The following GRID2 variants were observed in gnomAD, a reference collection of about 807,000 sequenced individuals.
GRID2 encodes glutamate receptor ionotropic, delta-2.
In GRID2, 33 loss-of-function variants were observed where a neutral mutation model predicts 114.8. The ratio of observed to expected loss-of-function variants is 0.29; its 90% confidence interval spans 0.22 to 0.38. GRID2 has a LOEUF of 0.38. GRID2 is among the 10% of genes least tolerant of loss of function. The probability of loss-of-function intolerance (pLI) is 1.00; values close to 1 mark genes in which losing one functional copy is unlikely to be tolerated. For synonymous variants in GRID2, 505 were observed against 449.9 expected, an observed-to-expected ratio of 1.12 and a Z score of -1.55; for missense variants, 1,184 against 1,257.7, an observed-to-expected ratio of 0.94 and a Z score of 0.89.
At position 92,620,995 on chromosome 4, in the gene GRID2, C is replaced by CAAAAA. The variant is rs67388525; in HGVS notation, c.244+30721_244+30725dup. Among the ~76,000 whole-genome samples, 356 of 112,258 alleles carry CAAAAA rather than the reference C, an allele frequency of 3.2e-3. 1 individual carries two copies. Among genetic ancestry groups the CAAAAA allele is most frequent in the Middle Eastern group, 9.9e-3 (2 of 202 alleles). 73.6% of individuals were successfully genotyped at this position (112,258 alleles called of 152,430 possible). On this transcript the variant is annotated intron_variant, in intron 2 of 15. Transcript: ENST00000282020. Reference sequence around the variant, plus strand: ...GCTAGAGGAACAAAATAAAGAATGCCAAAAAAAAAAAAAAAAGAATTTTAA... The same window carrying CAAAAA: ...GCTAGAGGAACAAAATAAAGAATGCCAAAAAAAAAAAAAAAAAAAAAGAATTTTAA...
At chr4:92,971,506 G>A (rs1216766788) in intron 2 of GRID2, among the ~76,000 whole-genome samples, 2 of 151,838 alleles carry the variant, frequency 1.3e-5, no homozygotes, top group Middle Eastern at 3.2e-3. Flanking sequence ...TAATTACATA[G>A]CCATCAACTC....
At chr4:93,030,995 A>G (rs951788205) in intron 2 of GRID2, among the ~76,000 whole-genome samples, 7 of 152,000 alleles carry the variant, frequency 4.6e-5, no homozygotes, top group African/African-American at 1.7e-4. Context: ...ACTATTAAAA[A>G]ATCCTGCACC....
intron 2 of GRID2, among the ~76,000 whole-genome samples, chr4:93,083,799 T>C (rs983134150): frequency 2.0e-5 from 3 of 151,680 alleles, no homozygotes; most frequent in African/African-American, 7.3e-5. Flanking sequence ...ATGTCTCAAA[T>C]AATTATTCAT....
chr4:92,995,898 T>G lies in GRID2; in HGVS notation c.245-89097T>G, dbSNP rs78152045. Among the ~76,000 whole-genome samples, 140 of 152,296 alleles carry G rather than the reference T, an allele frequency of 9.2e-4. 1 individual carries two copies. Among genetic ancestry groups the G allele is most frequent in the African/African-American group, 3.2e-3 (133 of 41,572 alleles). On this transcript the variant is annotated intron_variant, in intron 2 of 15. Transcript: ENST00000282020. ...GGTTTTGGAAGACTTGATATTCTAC[T>G]GATCATTGCTATTCCATACTGTAAT...
intron 1 of GRID2, among the ~76,000 whole-genome samples, chr4:92,519,562 A>C (rs1724667540): frequency 6.6e-6 from 1 of 151,064 alleles, no homozygotes; most frequent in Admixed American, 6.6e-5. Flanking sequence ...AGAGAACCAT[A>C]ACTAATAGGA....
chr4:93,554,672 G>A (rs1734126764), intron 13 of GRID2, among the ~76,000 whole-genome samples: 1 of 152,126 alleles, frequency 6.6e-6, no homozygotes, highest in Admixed American at 6.5e-5. Flanking sequence ...TGCAATCCTA[G>A]CTTACTCTAA....
At chr4:93,087,971 T>G (rs1730469697) in intron 3 of GRID2, among the ~76,000 whole-genome samples, 1 of 152,156 alleles carries the variant, frequency 6.6e-6, no homozygotes, top group Admixed American at 6.6e-5. Flanking sequence ...GAAGAATTGC[T>G]TTCATTAAGA....
chr4:92,969,202 A>G (rs1382564583), intron 2 of GRID2, among the ~76,000 whole-genome samples: 2 of 151,530 alleles, frequency 1.3e-5, no homozygotes, highest in Non-Finnish European at 3.0e-5. Context: ...GCACATGTCA[A>G]CTAGGACTAG....
chr4:92,867,689 T>G (rs17326589), intron 2 of GRID2, among the ~76,000 whole-genome samples: 6,542 of 152,204 alleles, frequency 0.043, 199 homozygotes, highest in Non-Finnish European at 0.056. Context: ...AATGGAACCT[T>G]AAAAATTCCT....
intron 14 of GRID2, among the ~76,000 whole-genome samples, chr4:93,753,773 T>C (rs1005478713): frequency 5.3e-5 from 8 of 152,212 alleles, no homozygotes; most frequent in African/African-American, 1.9e-4. Context: ...TCCAAGTCTT[T>C]GCTATCGTGA....
chr4:93,349,258 T>C (rs761808687), intron 8 of GRID2, among the ~76,000 whole-genome samples: 35 of 152,118 alleles, frequency 2.3e-4, no homozygotes, highest in Non-Finnish European at 5.1e-4. Context: ...GAAAGTCAAA[T>C]GCGTAGTTTG....
intron 12 of GRID2, among the ~76,000 whole-genome samples, chr4:93,496,948 A>G (rs771665421): frequency 6.6e-6 from 1 of 151,732 alleles, no homozygotes; most frequent in Non-Finnish European, 1.5e-5. Context: ...TTTTTAAGAA[A>G]CTGCCCTACT....
chr4:93,250,664 T>G (rs1374671895), intron 8 of GRID2, among the ~76,000 whole-genome samples: 4 of 143,580 alleles, frequency 2.8e-5, no homozygotes, highest in African/African-American at 1.1e-4. Context: ...ATTTTATATA[T>G]TTATATATTT....
In GRID2 at chr4:93,790,164, C is replaced by T. The variant is rs555453329; in HGVS notation, c.222-16551C>T. On this transcript the variant is annotated intron_variant, in intron 1 of 1. Coordinates refer to the GRID2 transcript ENST00000637838. ...GGAGGAAAAATTGTCTTCCACAAAA[C>T]CTGTCCCTGGTGCCAAAAAGCCTGG... 3.6e-3 allele frequency among the ~76,000 whole-genome samples: 482 copies of T among 134,562 alleles called. 3 individuals carry two copies. The highest frequency in any genetic ancestry group is 0.012 in the African/African-American group (463 of 37,202). The allele number at this position is 134,562 out of a possible 152,430, so 88.3% of individuals were successfully genotyped here. A position where few individuals can be genotyped will look rare whatever the true frequency, so the allele number is the denominator to read the frequency against.
chr4:92,944,341 G>A (rs529164913), intron 2 of GRID2, among the ~76,000 whole-genome samples: 1 of 152,328 alleles, frequency 6.6e-6, no homozygotes, highest in East Asian at 1.9e-4. Context: ...CTAGCAATGA[G>A]TGAGGCTCCG....
chr4:92,905,994 G>T (rs902312357), intron 2 of GRID2, among the ~76,000 whole-genome samples: 7 of 152,096 alleles, frequency 4.6e-5, no homozygotes, highest in African/African-American at 1.7e-4. Flanking sequence ...ATCACAAATG[G>T]GTGTAGGGGG....
intron 1 of GRID2, among the ~76,000 whole-genome samples, chr4:92,464,018 T>G (rs2149090002): frequency 6.6e-6 from 1 of 152,168 alleles, no homozygotes; most frequent in South Asian, 2.1e-4. Context: ...TTTAATATGC[T>G]AAGTCACTTT....
intron 14 of GRID2, among the ~76,000 whole-genome samples, chr4:93,754,577 C>T (rs531063653): frequency 6.6e-6 from 1 of 152,170 alleles, no homozygotes; most frequent in East Asian, 1.9e-4. Context: ...AGTGTAGTAT[C>T]CAGTATTGCT....
chr4:92,446,206 C>A lies in GRID2; in HGVS notation c.88+141462C>A, dbSNP rs200618179. On this transcript the variant is annotated intron_variant, in intron 1 of 15. Transcript: ENST00000282020. Reference sequence around the variant, plus strand: ...AAGTGATCAGGCCACCTCAACTTCCCAAAGTGCTGGGATTACAGGCCTGAG... The same window carrying A: ...AAGTGATCAGGCCACCTCAACTTCCAAAAGTGCTGGGATTACAGGCCTGAG... Among the ~76,000 whole-genome samples, 4 of 152,240 alleles carry A rather than the reference C, an allele frequency of 2.6e-5. No homozygotes were observed. In the East Asian group the frequency reaches 5.8e-4, roughly 22 times the overall value.
Sources: gnomAD v4.1 joint callset for allele counts (sites outside exome capture counted in the v4.1 genomes callset) on GRCh38, gnomAD v4.1.1 for gene constraint, MANE v1.5 for transcripts, NCBI Gene and HGNC (gene_info 2026-07-23, HGNC 2026-07-21) for gene names.